Variants in DNM3 observed in about 807,000 individuals in gnomAD.
DNM3 encodes the protein dynamin-3.
DNM3 carries 47 observed loss-of-function variants against 101.6 expected under a neutral mutation model. The ratio of observed to expected loss-of-function variants is 0.46; its 90% confidence interval spans 0.37 to 0.59. The LOEUF is 0.59. Among genes scored for constraint, DNM3 ranks in the 20% least tolerant of loss-of-function variants. The pLI is 0.00. For missense variants in DNM3, 849 were observed against 1,085.7 expected, an observed-to-expected ratio of 0.78 and a Z score of 3.06; for synonymous variants, 385 against 387.9, an observed-to-expected ratio of 0.99 and a Z score of 0.09.
intron 4 of DNM3, among the ~76,000 whole-genome samples, chr1:172,010,575 T>G (rs140080575): frequency 6.0e-5 from 9 of 151,002 alleles, no homozygotes; most frequent in Middle Eastern, 3.4e-3. Flanking sequence ...TATCTCTTTG[T>G]GTGTGTCTCT....
rs536175350 is a variant in DNM3, at chr1:172,280,598, A to G, written c.1769+26916A>G. ...ATAACTACATGTTTTGTGAGGATAT[A>G]AAAATGGTACTGAATAATTACATGG... On this transcript the variant is annotated intron_variant, in intron 15 of 20. Coordinates refer to ENST00000627582, the MANE Select transcript of DNM3 (RefSeq NM_015569.5). Among the ~76,000 whole-genome samples, 9 of 152,328 alleles carry G rather than the reference A, an allele frequency of 5.9e-5. No homozygotes were observed. In the East Asian group the frequency reaches 1.3e-3, roughly 23 times the overall value.
At chr1:172,164,964 A>C (rs2058695270) in intron 14 of DNM3, among the ~76,000 whole-genome samples, 1 of 152,084 alleles carries the variant, frequency 6.6e-6, no homozygotes, top group Non-Finnish European at 1.5e-5. Context: ...TACTAATGGC[A>C]CATGTAACCC....
intron 14 of DNM3, among the ~76,000 whole-genome samples, chr1:172,210,369 G>A (rs148136605): frequency 1.4e-5 from 2 of 143,200 alleles, no homozygotes; most frequent in African/African-American, 2.6e-5. Context: ...AAGAAATGTG[G>A]GACTCAGTAA....
chr1:172,053,282 G>C (rs1227074469), intron 10 of DNM3, among the ~76,000 whole-genome samples: 1 of 151,450 alleles, frequency 6.6e-6, no homozygotes, highest in Non-Finnish European at 1.5e-5. Context: ...GATTCCTTTT[G>C]TCTAGAATGT....
chr1:172,146,982 T>G (rs781504545), intron 14 of DNM3, among the ~76,000 whole-genome samples: 1 of 152,266 alleles, frequency 6.6e-6, no homozygotes, highest in South Asian at 2.1e-4. Flanking sequence ...TCATTATGAC[T>G]CGTGAAACAT....
At chr1:171,905,798 G>A (rs545346681) in intron 1 of DNM3, among the ~76,000 whole-genome samples, 1 of 152,188 alleles carries the variant, frequency 6.6e-6, no homozygotes, top group African/African-American at 2.4e-5. Flanking sequence ...GGACAGATGG[G>A]AAAATCATCA....
chr1:172,177,121 T>C (rs2059179529), intron 14 of DNM3, among the ~76,000 whole-genome samples: 1 of 151,682 alleles, frequency 6.6e-6, no homozygotes, highest in African/African-American at 2.4e-5. Flanking sequence ...ATTCTGAAAA[T>C]GTATTTTTTT....
chr1:172,191,538 TC>T (rs891102134), intron 14 of DNM3, among the ~76,000 whole-genome samples: 1 of 152,184 alleles, frequency 6.6e-6, no homozygotes, highest in African/African-American at 2.4e-5. Context: ...AGTAGTTTTT[TC>T]CAATTCTGTG....
intron 1 of DNM3, among the ~76,000 whole-genome samples, chr1:171,892,366 G>A (rs1458680020): frequency 6.6e-6 from 1 of 152,150 alleles, no homozygotes; most frequent in African/African-American, 2.4e-5. Flanking sequence ...TTATTGGATT[G>A]TAGCTGCTTT....
chr1:171,947,189 T>A (rs2042224817), intron 2 of DNM3, among the ~76,000 whole-genome samples: 1 of 152,180 alleles, frequency 6.6e-6, no homozygotes, highest in African/African-American at 2.4e-5. Context: ...TAGCTATTCC[T>A]TTAATGGCAG....
intron 14 of DNM3, among the ~76,000 whole-genome samples, chr1:172,173,914 C>T (rs969165302): frequency 4.0e-5 from 6 of 151,448 alleles, no homozygotes; most frequent in Non-Finnish European, 8.9e-5. Context: ...AGGACCAAGC[C>T]AGGACAATAG....
intron 14 of DNM3, among the ~76,000 whole-genome samples, chr1:172,204,754 G>C (rs2060271092): frequency 6.6e-6 from 1 of 151,852 alleles, no homozygotes; most frequent in African/African-American, 2.4e-5. Context: ...CAATCTTCTG[G>C]CTCAGACCAC....
chr1:172,178,568 A>G (rs2059235043), intron 14 of DNM3, among the ~76,000 whole-genome samples: 2 of 151,870 alleles, frequency 1.3e-5, no homozygotes, highest in Non-Finnish European at 1.5e-5. Flanking sequence ...AGTTAAAAGA[A>G]GCAAGGTAGT....
At chr1:172,355,836 A>G (rs1209753221) in intron 17 of DNM3, among the ~76,000 whole-genome samples, 2 of 152,162 alleles carry the variant, frequency 1.3e-5, no homozygotes, top group African/African-American at 2.4e-5. Context: ...TAGGAGAATG[A>G]CTAAAATGTT....
intron 2 of DNM3, among the ~76,000 whole-genome samples, chr1:171,961,667 A>AT (rs2043219529): frequency 6.6e-6 from 1 of 152,178 alleles, no homozygotes; most frequent in Non-Finnish European, 1.5e-5. Flanking sequence ...TCACAGCAGC[A>AT]TTTTTTACAA....
intron 4 of DNM3, among the ~76,000 whole-genome samples, chr1:172,008,973 A>G (rs1413654316): frequency 1.5e-5 from 2 of 134,402 alleles, no homozygotes; most frequent in Non-Finnish European, 3.1e-5. Context: ...TATATATTAA[A>G]CCTATAACAT....
At chr1:172,007,007 G>T (rs1166776125) in intron 4 of DNM3, among the ~76,000 whole-genome samples, 1 of 151,982 alleles carries the variant, frequency 6.6e-6, no homozygotes, top group Non-Finnish European at 1.5e-5. Flanking sequence ...TTTTTAAATA[G>T]GTGAATTGTA....
intron 2 of DNM3, among the ~76,000 whole-genome samples, chr1:171,959,452 G>A (rs2043069829): frequency 6.6e-6 from 1 of 152,130 alleles, no homozygotes; most frequent in African/African-American, 2.4e-5. Context: ...ACAATGATGA[G>A]CTAAGGTTCT....
intron 20 of DNM3, among the ~76,000 whole-genome samples, chr1:172,391,111 TG>T (rs1414011735): frequency 2.0e-5 from 3 of 152,216 alleles, no homozygotes; most frequent in Admixed American, 2.0e-4. Flanking sequence ...CAGGGCTTAA[TG>T]AGACTACATT....
Sources: allele counts gnomAD v4.1 joint callset (sites outside exome capture counted in the v4.1 genomes callset), GRCh38; gene constraint gnomAD v4.1.1; transcripts MANE v1.5; gene names NCBI Gene and HGNC (gene_info 2026-07-23, HGNC 2026-07-21).